Variants in RAPGEF2 observed in about 807,000 individuals in gnomAD.
The protein encoded by RAPGEF2 is Rap guanine nucleotide exchange factor 2.
In RAPGEF2, 54 loss-of-function variants were observed where a neutral mutation model predicts 186.7. The ratio of observed to expected loss-of-function variants is 0.29; its 90% CI spans 0.23 to 0.36. The LOEUF (loss-of-function observed/expected upper bound fraction) is 0.36. Ranked by LOEUF, RAPGEF2 falls within the 10% of genes least tolerant of loss-of-function variation. RAPGEF2 has a pLI of 1.00. For synonymous variants in RAPGEF2, 712 were observed against 705.9 expected, an observed-to-expected ratio of 1.01 and a Z score of -0.14; for missense variants, 1,532 against 2,045.0, an observed-to-expected ratio of 0.75 and a Z score of 4.84.
chr4:159,202,391 G>A (rs939496043), intron 3 of RAPGEF2, among the ~76,000 whole-genome samples: 2 of 152,014 alleles, frequency 1.3e-5, no homozygotes, highest in East Asian at 1.9e-4. Flanking sequence ...TTTTGCATGG[G>A]CACCATTCTT....
At position 159,329,845 on chromosome 4, in the gene RAPGEF2, T is replaced by C. The variant is rs769151764; in HGVS notation, c.1150-13T>C. 13 of 1,606,150 alleles carry C rather than the reference T, an allele frequency of 8.1e-6. No individual in the cohort carries two copies. Among genetic ancestry groups the C allele is most frequent in the Admixed American group, 6.8e-5 (4 of 58,660 alleles). On this transcript the variant is annotated splice_polypyrimidine_tract_variant and intron_variant, in intron 11 of 29. Transcript: ENST00000691494. ...CACTTTATCATTAACATGTGACTTA[T>C]GTTTTATTCCAGTTTGTCTGCATAG...
chr4:159,216,743 A>G (rs1751025053), intron 4 of RAPGEF2, among the ~76,000 whole-genome samples: 1 of 152,162 alleles, frequency 6.6e-6, no homozygotes, highest in Non-Finnish European at 1.5e-5. Context: ...AAATGTGCAT[A>G]TCATGTATTT....
chr4:159,356,232 G>C, intron 29 of RAPGEF2, 74 bp downstream of exon 29: 10 of 1,437,998 alleles, frequency 7.0e-6, no homozygotes, highest in Non-Finnish European at 9.5e-6. Context: ...AGGCATTTCT[G>C]TTCTCTTAAC....
At chr4:159,338,763 GAGTA>G (rs1395547432) in intron 18 of RAPGEF2, among the ~76,000 whole-genome samples, 2 of 151,756 alleles carry the variant, frequency 1.3e-5, no homozygotes, top group Non-Finnish European at 3.0e-5. Flanking sequence ...CAAATAGATA[GAGTA>G]AGAGGCATAT....
At chr4:159,167,053 G>A (rs1453842513) in intron 1 of RAPGEF2, among the ~76,000 whole-genome samples, 3 of 151,988 alleles carry the variant, frequency 2.0e-5, no homozygotes, top group Non-Finnish European at 4.4e-5. Context: ...AGAAGGCCCC[G>A]AAATGACCAT....
chr4:159,251,676 T>TTA (rs879401293), intron 7 of RAPGEF2, among the ~76,000 whole-genome samples: 3 of 152,054 alleles, frequency 2.0e-5, no homozygotes, highest in Non-Finnish European at 4.4e-5. Context: ...GGGTTGTAAA[T>TTA]GCACCAATCA....
chr4:159,296,456 G>A (rs1762038542), intron 7 of RAPGEF2, among the ~76,000 whole-genome samples: 1 of 152,160 alleles, frequency 6.6e-6, no homozygotes, highest in African/African-American at 2.4e-5. Flanking sequence ...AGAATTTTCA[G>A]GTCAATTAGT....
In RAPGEF2 at chr4:159,299,882, TA is replaced by T. The variant is rs532129838; in HGVS notation, c.544-4450del. Among the ~76,000 whole-genome samples the T allele has an allele frequency of 1.8e-3, 257 of 146,336 alleles. 1 individual carries two copies. The highest frequency in any genetic ancestry group is 4.6e-3 in the African/African-American group (183 of 40,076). ...GGTAGCATCTGTTTGTCCTACATAA[TA>T]AAAAAAAAAGCTATTATACAAATGA... is the stretch of plus-strand genomic sequence containing the variant. On this transcript the variant is annotated intron_variant, in intron 7 of 29. Coordinates refer to ENST00000691494, the MANE Select transcript of RAPGEF2 (RefSeq NM_001394067.2).
chr4:159,227,975 T>C (rs1339012721), intron 4 of RAPGEF2, among the ~76,000 whole-genome samples: 1 of 152,182 alleles, frequency 6.6e-6, no homozygotes, highest in African/African-American at 2.4e-5. Context: ...CATTTGACCT[T>C]GAAGACTCAG....
rs762097617 is a variant in RAPGEF2 at position 159,339,264 on chromosome 4, A to T, written c.2444A>T (p.Glu815Val). Reference sequence around the variant, plus strand: ...ACCCCGGATCAATATTCACTATGTGAGGTCTCTGTCACACCTGAGGGAGTA... The same window carrying T: ...ACCCCGGATCAATATTCACTATGTGTGGTCTCTGTCACACCTGAGGGAGTA... ...TATPDQYSLCEVSVTPEGVIK... is the reference protein window; with the variant it reads ...TATPDQYSLCVVSVTPEGVIK... Residue 815 changes from glutamate to valine, a missense_variant, in exon 19 of 30, where the codon GAG becomes GTG. Transcript: ENST00000691494. The T allele has an allele frequency of 6.2e-7, 1 of 1,614,146 alleles. No individual in the cohort carries two copies. The highest frequency in any genetic ancestry group is 1.1e-5 in the South Asian group (1 of 91,080).
At chr4:159,133,219 A>G (rs1741304353) in intron 1 of RAPGEF2, among the ~76,000 whole-genome samples, 1 of 152,156 alleles carries the variant, frequency 6.6e-6, no homozygotes, top group South Asian at 2.1e-4. Flanking sequence ...CAGGGCTGCA[A>G]TGAATACCCC....
intron 1 of RAPGEF2, among the ~76,000 whole-genome samples, chr4:159,119,309 G>A (rs1489628938): frequency 6.6e-6 from 1 of 152,138 alleles, no homozygotes; most frequent in Non-Finnish European, 1.5e-5. Flanking sequence ...AAGGAGAGGG[G>A]TGGGTGTTAA....
At chr4:159,154,924 A>G (rs1300781782) in intron 1 of RAPGEF2, among the ~76,000 whole-genome samples, 2 of 152,208 alleles carry the variant, frequency 1.3e-5, no homozygotes, top group Non-Finnish European at 2.9e-5. Flanking sequence ...TTGTTTGCTT[A>G]GAGAGCCAAT....
chr4:159,222,919 TATA>T (rs1751674668), intron 4 of RAPGEF2, among the ~76,000 whole-genome samples: 2 of 84,024 alleles, frequency 2.4e-5, no homozygotes, highest in Non-Finnish European at 4.9e-5. Context: ...AGTTGAATTA[TATA>T]TATATATATA....
At chr4:159,135,631 C>T (rs1741637506) in intron 1 of RAPGEF2, among the ~76,000 whole-genome samples, 1 of 152,098 alleles carries the variant, frequency 6.6e-6, no homozygotes, top group Admixed American at 6.5e-5. Context: ...CGGAGTTTTG[C>T]TCTTTTCACC....
At position 159,304,405 on chromosome 4, in the gene RAPGEF2, T is replaced by A. The variant is rs1045547100; in HGVS notation, c.607T>A (p.Ser203Thr). 1 of 1,602,020 alleles carries A rather than the reference T, an allele frequency of 6.2e-7. No homozygotes were observed. Among genetic ancestry groups the A allele is most frequent in the Non-Finnish European group, 8.6e-7 (1 of 1,169,346 alleles). ...TCTCCACCCACAGGTGACCCACGTT[T>A]CTTCTAGCCATTCAGGATGTAGTAT... ...DSLHPQVTHV[S>T]SSHSGCSITS... is the part of the protein sequence containing the mutation. Residue 203 changes from serine to threonine, a missense_variant, in exon 8 of 30, where the codon TCT becomes ACT. Ser to Thr is a moderately conservative substitution (Grantham distance 58). This residue lies in a region of RAPGEF2 where 810 missense variants were observed against 1,210.5 expected (regional missense o/e 0.67). Coordinates refer to ENST00000691494, the MANE Select transcript of RAPGEF2 (RefSeq NM_001394067.2).
chr4:159,255,765 T>C (rs1756087212), intron 7 of RAPGEF2, among the ~76,000 whole-genome samples: 1 of 152,220 alleles, frequency 6.6e-6, no homozygotes, highest in Non-Finnish European at 1.5e-5. Flanking sequence ...TACCATGTTT[T>C]GTAGTAGTTG....
chr4:159,303,639 G>GTT (rs564569329), intron 7 of RAPGEF2, among the ~76,000 whole-genome samples: 6 of 147,418 alleles, frequency 4.1e-5, no homozygotes, highest in African/African-American at 1.2e-4. Flanking sequence ...CAAATAAGCG[G>GTT]TTTTTTTTTT....
chr4:159,149,938 TA>T (rs200657396), intron 1 of RAPGEF2, among the ~76,000 whole-genome samples: 2 of 152,204 alleles, frequency 1.3e-5, no homozygotes, highest in East Asian at 3.8e-4. Flanking sequence ...AACACTGGTC[TA>T]AAAACAGGCA....
Sources: gnomAD v4.1 joint callset for allele counts (sites outside exome capture counted in the v4.1 genomes callset) on GRCh38, gnomAD v4.1.1 for gene constraint, gnomAD v4.1.1 regional missense constraint, MANE v1.5 for transcripts, NCBI Gene and HGNC (gene_info 2026-07-23, HGNC 2026-07-21) for gene names.